The following MYO3B variants were observed in gnomAD, a reference collection of about 807,000 sequenced individuals.
MYO3B encodes myosin-IIIb.
A neutral mutation model predicts 174.6 loss-of-function variants in MYO3B; 156 were observed. The observed-to-expected ratio is 0.89, with a 90% CI of 0.78 to 1.02. MYO3B has a LOEUF of 1.02. Among genes scored for constraint, MYO3B ranks in the 50% least tolerant of loss-of-function variants. The pLI, the probability that MYO3B is intolerant of heterozygous loss-of-function variation, is 0.00. For synonymous variants in MYO3B, 563 were observed against 569.1 expected, an observed-to-expected ratio of 0.99 and a Z score of 0.15; for missense variants, 1,632 against 1,639.4, an observed-to-expected ratio of 1.00 and a Z score of 0.08.
At chr2:170,393,470 G>A (rs1405514681) in intron 16 of MYO3B, among the ~76,000 whole-genome samples, 1 of 151,770 alleles carries the variant, frequency 6.6e-6, no homozygotes, top group East Asian at 1.9e-4. Flanking sequence ...ATAACCCTAG[G>A]CTCAAATATT....
intron 6 of MYO3B, among the ~76,000 whole-genome samples, chr2:170,225,316 G>A (rs13392951): frequency 0.015 from 2,315 of 152,312 alleles, 68 homozygotes; most frequent in African/African-American, 0.054. Context: ...TGCCACCAGA[G>A]TTTGAACCCA....
At chr2:170,478,446 G>T (rs905454635) in intron 25 of MYO3B, among the ~76,000 whole-genome samples, 23 of 151,966 alleles carry the variant, frequency 1.5e-4, no homozygotes, top group African/African-American at 5.6e-4. Context: ...GTGCAGACGT[G>T]CCTGACTAGA....
At chr2:170,228,379 T>A (rs2092975210) in intron 6 of MYO3B, among the ~76,000 whole-genome samples, 2 of 152,186 alleles carry the variant, frequency 1.3e-5, no homozygotes, top group African/African-American at 4.8e-5. Context: ...CCTTTCATTG[T>A]CCATCTCTGT....
rs57300775 is a variant in MYO3B at position 170,551,382 on chromosome 2, T to TTATCTATCTATC, written c.3733+7397_3733+7398insCTATCTATCTAT. Among the ~76,000 whole-genome samples the TTATCTATCTATC allele has an allele frequency of 2.2e-5, 3 of 138,760 alleles. No homozygotes were observed. In the Admixed American group the frequency reaches 2.2e-4, roughly 10 times the overall value. 91.0% of individuals were successfully genotyped at this position (138,760 alleles called of 152,430 possible). On this transcript the variant is annotated intron_variant, in intron 32 of 34. Transcript: ENST00000408978. ...TTTATTTATTTATTTATTTATTTAT[T>TTATCTATCTATC]TATTTTTAGGTGGAGTCTTACTCTG...
chr2:170,483,571 A>G (rs1348005169), intron 25 of MYO3B, among the ~76,000 whole-genome samples: 2 of 148,498 alleles, frequency 1.3e-5, no homozygotes, highest in Non-Finnish European at 2.9e-5. Flanking sequence ...TATTTTTAGT[A>G]GAGACGGGGT....
intron 3 of MYO3B, among the ~76,000 whole-genome samples, chr2:170,200,831 T>G (rs1455999246): frequency 6.6e-6 from 1 of 152,314 alleles, no homozygotes; most frequent in Non-Finnish European, 1.5e-5. Flanking sequence ...AACAGAGACC[T>G]AAGCTGGTCC....
chr2:170,342,681 G>C (rs1453034890), intron 8 of MYO3B, among the ~76,000 whole-genome samples: 1 of 152,008 alleles, frequency 6.6e-6, no homozygotes, highest in East Asian at 1.9e-4. Context: ...CTTATGCTAG[G>C]CACTGTTCTC....
chr2:170,203,991 A>G (rs2092690960), intron 3 of MYO3B, among the ~76,000 whole-genome samples: 1 of 152,288 alleles, frequency 6.6e-6, no homozygotes, highest in African/African-American at 2.4e-5. Context: ...GCTCTATTCA[A>G]TAAGGATGTG....
intron 32 of MYO3B, among the ~76,000 whole-genome samples, chr2:170,600,735 G>C (rs1694457400): frequency 6.6e-6 from 1 of 152,124 alleles, no homozygotes; most frequent in Non-Finnish European, 1.5e-5. Context: ...ACATTCTCAG[G>C]TCTTCTTTAA....
At chr2:170,426,643 T>C (rs896003300) in intron 22 of MYO3B, among the ~76,000 whole-genome samples, 1 of 152,076 alleles carries the variant, frequency 6.6e-6, no homozygotes, top group Non-Finnish European at 1.5e-5. Context: ...TTATTGTCTA[T>C]GTGAAGGATA....
At chr2:170,392,021 G>A (rs2105768341) in intron 15 of MYO3B, among the ~76,000 whole-genome samples, 1 of 151,632 alleles carries the variant, frequency 6.6e-6, no homozygotes, top group African/African-American at 2.4e-5. Context: ...TACTCGGGAG[G>A]CTGAGGTGGG....
chr2:170,607,066 ATACTC>A (rs1351423478), intron 32 of MYO3B, among the ~76,000 whole-genome samples: 1 of 152,172 alleles, frequency 6.6e-6, no homozygotes, highest in Admixed American at 6.5e-5. Flanking sequence ...AGTAATAAAT[ATACTC>A]TTCTCTTAAT....
At chr2:170,450,736 A>G (rs1683552889) in intron 23 of MYO3B, among the ~76,000 whole-genome samples, 2 of 152,216 alleles carry the variant, frequency 1.3e-5, no homozygotes, top group Non-Finnish European at 2.9e-5. Flanking sequence ...TGCAGTTTTA[A>G]TTAGTTTGAC....
chr2:170,523,724 C>T (rs1688822649), intron 30 of MYO3B, among the ~76,000 whole-genome samples: 1 of 152,174 alleles, frequency 6.6e-6, no homozygotes, highest in Non-Finnish European at 1.5e-5. Context: ...GCCAAAGCAA[C>T]ACTAAACATC....
chr2:170,426,502 A>AT (rs201053741), intron 22 of MYO3B, among the ~76,000 whole-genome samples: 7,805 of 151,452 alleles, frequency 0.052, 268 homozygotes, highest in Non-Finnish European at 0.068. Context: ...TGCCCGGATG[A>AT]TTTTTTTGTA....
At chr2:170,605,198 C>T (rs914310915) in intron 32 of MYO3B, among the ~76,000 whole-genome samples, 5 of 152,140 alleles carry the variant, frequency 3.3e-5, no homozygotes, top group African/African-American at 1.2e-4. Context: ...TTTCTTAAAC[C>T]ACTCTCTTCT....
chr2:170,593,501 A>G (rs1449342397), intron 32 of MYO3B, among the ~76,000 whole-genome samples: 7 of 152,336 alleles, frequency 4.6e-5, no homozygotes, highest in Admixed American at 2.0e-4. Context: ...TGCAAGGTGC[A>G]TAGCCCCTTG....
chr2:170,313,492 T>A (rs1484715715), intron 7 of MYO3B, among the ~76,000 whole-genome samples: 1 of 152,184 alleles, frequency 6.6e-6, no homozygotes, highest in African/African-American at 2.4e-5. Context: ...CCTTGGTCTA[T>A]GTCTAATCTT....
intron 24 of MYO3B, 74 bp from the exon 25 acceptor site, chr2:170,466,432 T>C (rs1684634923): frequency 1.1e-5 from 16 of 1,402,018 alleles, no homozygotes; most frequent in Middle Eastern, 1.8e-4. Flanking sequence ...TCCAGAGGCT[T>C]CTGCGGGCCT....
Sources: gnomAD v4.1 joint callset for allele counts (sites outside exome capture counted in the v4.1 genomes callset) on GRCh38, gnomAD v4.1.1 for gene constraint, MANE v1.5 for transcripts, NCBI Gene and HGNC (gene_info 2026-07-23, HGNC 2026-07-21) for gene names.